The following MCF2L variants were observed in gnomAD, a reference collection of about 807,000 sequenced individuals.
MCF2L encodes the protein guanine nucleotide exchange factor DBS.
MCF2L carries 97 observed loss-of-function variants against 153.4 expected under a neutral mutation model. The observed-to-expected ratio is 0.63, with a 90% CI of 0.54 to 0.75. The LOEUF (loss-of-function observed/expected upper bound fraction) is 0.75, where lower values mean the gene tolerates loss of function less well. MCF2L is among the 30% of genes least tolerant of loss of function. MCF2L has a pLI of 0.00. For missense variants in MCF2L, 1,347 were observed against 1,495.2 expected, an observed-to-expected ratio of 0.90 and a Z score of 1.64; for synonymous variants, 659 against 632.2, an observed-to-expected ratio of 1.04 and a Z score of -0.64.
At chr13:113,084,308 AC>A (rs2034428798) in intron 18 of MCF2L, among the ~76,000 whole-genome samples, 1 of 150,516 alleles carries the variant, frequency 6.6e-6, no homozygotes, top group African/African-American at 2.5e-5. Flanking sequence ...AACCTCCTGT[AC>A]CCCAGGACCT....
intron 2 of MCF2L, among the ~76,000 whole-genome samples, chr13:112,918,818 G>A (rs976504123): frequency 6.6e-6 from 1 of 152,088 alleles, no homozygotes; most frequent in Admixed American, 6.5e-5. Context: ...CCTGACTGAA[G>A]CATCGGCCCA....
At chr13:113,010,645 C>T (rs1024448994) in intron 1 of MCF2L, among the ~76,000 whole-genome samples, 13 of 152,228 alleles carry the variant, frequency 8.5e-5, no homozygotes, top group Admixed American at 3.3e-4. Context: ...CCTCTGCCCG[C>T]GTGGCAGGGG....
intron 2 of MCF2L, chr13:112,956,859 CATTTCGTATGACATCTCTGG>C (rs2081764178): frequency 6.6e-6 from 1 of 152,398 alleles, no homozygotes; most frequent in African/African-American, 2.4e-5. Context: ...ACTCTACATG[CATTTCGTATGACATCTCTGG>C]ATTTCATCAG....
rs139273589 is a variant in MCF2L at position 113,095,066 on chromosome 13, A to C, written c.3075+431A>C. ...ACCCTTTATGTCATAGAATGCTGTC[A>C]CTGAGCCTTCCTAACTATACATACA... On this transcript the variant is annotated intron_variant, in intron 27 of 29. Coordinates refer to ENST00000535094, the MANE Select transcript of MCF2L (RefSeq NM_001112732.3). 1.3e-3 allele frequency: 1,775 copies of C among 1,368,624 alleles called. 24 individuals carry two copies. In the African/African-American group the frequency reaches 0.024, roughly 18 times the overall value. The allele number at this position is 1,368,624 out of a possible 1,614,324, so 84.8% of individuals were successfully genotyped here. A position where few individuals can be genotyped will look rare whatever the true frequency, so the allele number is the denominator to read the frequency against.
intron 1 of MCF2L, among the ~76,000 whole-genome samples, chr13:112,982,937 T>TGGGCTG (rs1247670125): frequency 5.3e-5 from 8 of 151,670 alleles, no homozygotes; most frequent in East Asian, 1.9e-4. Context: ...CCTCAGGAGC[T>TGGGCTG]GGGCTGGGGC....
At position 113,027,501 on chromosome 13, in the gene MCF2L, A is replaced by C. The variant is rs1395959919; in HGVS notation, c.278+2743A>C. 2.6e-5 allele frequency among the ~76,000 whole-genome samples: 4 copies of C among 152,182 alleles called. No individual in the cohort carries two copies. Among genetic ancestry groups the C allele is most frequent in the South Asian group, 2.1e-4 (1 of 4,834 alleles). On this transcript the variant is annotated intron_variant, in intron 3 of 29. Transcript: ENST00000535094. This position sits in a 1 kb window ranked among gnomAD's most constrained non-coding sequence, Gnocchi z 4.8. The stretch of plus-strand genomic sequence containing the variant: ...ACATGGCGGTGTCCTGGTAGCCCCA[A>C]ATCACTGTGTGTTGGGTTTGTGGTT...
Position 113,070,084 on chromosome 13 carries a change from G to C in MCF2L, c.907G>C (p.Glu303Gln), listed in dbSNP as rs754031767. 1.2e-6 allele frequency: 2 copies of C among 1,609,536 alleles called. No individual in the cohort carries two copies. Among genetic ancestry groups the C allele is most frequent in the African/African-American group, 1.3e-5 (1 of 74,540 alleles). ...QRLLAQLNET[E>Q]AAFDEFWAKH... ...GCTCCTGGCCCAGCTGAACGAAACC[G>C]AGGCTGCCTTCGATGAGTTCTGGGC... is the stretch of plus-strand genomic sequence containing the variant. The change falls in exon 9 of 30, where the codon GAG becomes CAG. Residue 303 changes from glutamate to glutamine, a missense_variant. Physicochemically the swap from Glu to Gln is conservative, Grantham distance 29. Transcript: ENST00000535094. This position sits in a 1 kb window ranked among gnomAD's most constrained non-coding sequence, Gnocchi z 5.6.
chr13:113,050,935 G>C (rs1464134854), intron 4 of MCF2L, among the ~76,000 whole-genome samples: 1 of 152,180 alleles, frequency 6.6e-6, no homozygotes, highest in East Asian at 1.9e-4. Context: ...GAGGGAGAGA[G>C]GGCCAGGTCC....
chr13:113,035,469 C>T lies in MCF2L; in HGVS notation c.279-9802C>T, dbSNP rs560997045. Among the ~76,000 whole-genome samples, 28 of 152,244 alleles carry T rather than the reference C, an allele frequency of 1.8e-4. 1 individual carries two copies. The highest frequency in any genetic ancestry group is 5.1e-4 in the African/African-American group (21 of 41,544). The stretch of plus-strand genomic sequence containing the variant: ...CTCTGCAGTCTGTTTTGCCGTTTTC[C>T]GCCTCAAACCCCCTCTGCGATGTGC... On this transcript the variant is annotated intron_variant, in intron 3 of 29. Transcript: ENST00000535094. This position sits in a 1 kb window ranked among gnomAD's most constrained non-coding sequence, Gnocchi z 4.4.
intron 2 of MCF2L, among the ~76,000 whole-genome samples, chr13:112,911,690 C>T (rs964796348): frequency 2.0e-5 from 3 of 152,254 alleles, no homozygotes; most frequent in Admixed American, 1.3e-4. Flanking sequence ...GCCGAGGGCG[C>T]GGCGGGCCTG....
rs534576471 is a variant in MCF2L, at chr13:112,901,119, C to T, written c.-4-1080C>T. On this transcript the variant is annotated intron_variant, in intron 1 of 29. Coordinates refer to the MCF2L transcript ENST00000375608. ...GCAGTGTGAACAGTGGCGTGGAAAG[C>T]GACATCCCTGGTGGAGCCACCGATA... Among the ~76,000 whole-genome samples the T allele has an allele frequency of 9.9e-5, 15 of 152,210 alleles. No individual in the cohort carries two copies. The South Asian group carries it at 2.3e-3, about 23-fold the overall frequency.
chr13:113,035,137 C>T lies in MCF2L; in HGVS notation c.279-10134C>T, dbSNP rs1254802171. 6.6e-6 allele frequency among the ~76,000 whole-genome samples: 1 copy of T among 152,220 alleles called. No individual in the cohort carries two copies. The highest frequency in any genetic ancestry group is 1.5e-5 in the Non-Finnish European group (1 of 68,030). ...AACACTTGTGATATTCACTTCCAAC[C>T]ACACGAGGGTGCAGCTGGGCAACCG... On this transcript the variant is annotated intron_variant, in intron 3 of 29. Transcript: ENST00000535094. This position sits in a 1 kb window ranked among gnomAD's most constrained non-coding sequence, Gnocchi z 4.4.
chr13:112,995,809 C>G (rs1275691302), intron 1 of MCF2L, among the ~76,000 whole-genome samples: 1 of 152,214 alleles, frequency 6.6e-6, no homozygotes, highest in Non-Finnish European at 1.5e-5. Flanking sequence ...AGGGTGGGAT[C>G]TGGCTTACCA....
At position 113,001,978 on chromosome 13, in the gene MCF2L, G is replaced by GT. The variant is rs754921402; in HGVS notation, c.80-12785_80-12784insT. ...GCGCTGTGGCTGCTGCTGAAGGCCG[G>GT]CGCAGGTGCGTGGGGCGCGGGCGGG... On this transcript the variant is annotated intron_variant, in intron 1 of 29. Coordinates refer to ENST00000535094, the MANE Select transcript of MCF2L (RefSeq NM_001112732.3). 1.6e-5 allele frequency: 25 copies of GT among 1,584,146 alleles called. No homozygotes were observed. In the African/African-American group the frequency reaches 3.2e-4, roughly 21 times the overall value.
rs2081474501 is a variant in MCF2L, at chr13:112,932,530, G to A, written c.169+30159G>A. ...ATGTACCAATATTGGCTCATTAATT[G>A]CAACAAAGGCACCATAAGCTTAAGA... On this transcript the variant is annotated intron_variant, in intron 2 of 29. Transcript: ENST00000375608. The surrounding 1 kb of genome is among the most constrained non-coding windows in gnomAD (Gnocchi z 4.6). 1.3e-5 allele frequency among the ~76,000 whole-genome samples: 2 copies of A among 152,206 alleles called. No homozygotes were observed. Among genetic ancestry groups the A allele is most frequent in the Admixed American group, 6.5e-5 (1 of 15,286 alleles).
chr13:112,986,836 C>G (rs1326539763), intron 1 of MCF2L, among the ~76,000 whole-genome samples: 1 of 152,240 alleles, frequency 6.6e-6, no homozygotes, highest in Non-Finnish European at 1.5e-5. Context: ...CCAACAGTGG[C>G]GCGTACGCTG....
exon 2 of MCF2L, chr13:112,902,355 G>A (rs375551833): frequency 1.9e-4 from 301 of 1,612,464 alleles, no homozygotes; most frequent in Admixed American, 2.8e-4. Context: ...CACCGGAGGC[G>A]ACGGCCATGG....
At chr13:112,968,748 G>A, upstream of MCF2L, 2 of 1,382,090 alleles carry the variant, frequency 1.4e-6, no homozygotes, top group Non-Finnish European at 1.9e-6. Context: ...GCGGCCCCGC[G>A]GAGGCAGCTG....
At position 113,046,401 on chromosome 13, in the gene MCF2L, C is replaced by T. The variant is rs771748004; in HGVS notation, c.369+1040C>T. The T allele has an allele frequency of 2.3e-6, 1 of 431,626 alleles. No individual in the cohort carries two copies. The highest frequency in any genetic ancestry group is 4.6e-6 in the Non-Finnish European group (1 of 218,126). 26.7% of individuals were successfully genotyped at this position (431,626 alleles called of 1,614,324 possible). On this transcript the variant is annotated intron_variant, in intron 4 of 29. Coordinates refer to ENST00000535094, the MANE Select transcript of MCF2L (RefSeq NM_001112732.3). This position sits in a 1 kb window ranked among gnomAD's most constrained non-coding sequence, Gnocchi z 4.4. ...ATGGCACAATTGCTCCAAGCATTCC[C>T]CAGCACCAAACCCCAGTGAAGTCAG... is the stretch of plus-strand genomic sequence containing the variant.
Sources: allele counts gnomAD v4.1 joint callset (sites outside exome capture counted in the v4.1 genomes callset), GRCh38; gene constraint gnomAD v4.1.1; non-coding constraint Gnocchi (gnomAD v3.1); transcripts MANE v1.5; gene names NCBI Gene and HGNC (gene_info 2026-07-23, HGNC 2026-07-21).